Variants in NR5A2 observed in about 807,000 individuals in gnomAD.
NR5A2 encodes the protein CYP7A promoter-binding factor.
In NR5A2, 26 loss-of-function variants were observed where a neutral mutation model predicts 62.7. The ratio of observed to expected loss-of-function variants is 0.41; its 90% CI spans 0.30 to 0.58. The LOEUF is 0.58. NR5A2 is among the 20% of genes least tolerant of loss of function. NR5A2 has a pLI of 0.22. For missense variants in NR5A2, 541 were observed against 669.1 expected (o/e 0.81, Z 2.11); for synonymous variants, 246 against 241.7 (o/e 1.02, Z -0.16).
chr1:200,042,877 A>G (rs1325381581), intron 2 of NR5A2: 14 of 985,370 alleles, frequency 1.4e-5, no homozygotes, highest in Non-Finnish European at 7.2e-6. Context: ...CTGCGTCCGG[A>G]GCAAGGCGGT....
chr1:200,074,736 CAAAAAAAAA>C (rs199556915), intron 5 of NR5A2, among the ~76,000 whole-genome samples: 2 of 67,558 alleles, frequency 3.0e-5, no homozygotes, highest in African/African-American at 1.2e-4. Context: ...GAGTCCATCT[CAAAAAAAAA>C]AAAAAAAAAA....
rs910310426 is a variant in NR5A2 at position 200,048,951 on chromosome 1, G to A, written c.1110+133G>A. 81 of 1,145,334 alleles carry A rather than the reference G, an allele frequency of 7.1e-5. No individual in the cohort carries two copies. Among genetic ancestry groups the A allele is most frequent in the Admixed American group, 1.7e-4 (7 of 40,826 alleles). 70.9% of individuals were successfully genotyped at this position (1,145,334 alleles called of 1,614,324 possible). A position where few individuals can be genotyped will look rare whatever the true frequency, so the allele number is the denominator to read the frequency against. The stretch of plus-strand genomic sequence containing the variant: ...ACTTTGTATGATTTACAGAGTAGAC[G>A]TAATTTTATTACCTTGACTTCAGGA... On this transcript the variant is annotated intron_variant, in intron 5 of 7. Coordinates refer to ENST00000367362, the MANE Select transcript of NR5A2 (RefSeq NM_205860.3). This position sits in a 1 kb window ranked among gnomAD's most constrained non-coding sequence, Gnocchi z 4.8.
chr1:200,056,870 C>G (rs1011495244), intron 5 of NR5A2, among the ~76,000 whole-genome samples: 1 of 152,100 alleles, frequency 6.6e-6, no homozygotes, highest in Non-Finnish European at 1.5e-5. Flanking sequence ...GCTTGGCCAT[C>G]GTCAGGTGTC....
intron 5 of NR5A2, among the ~76,000 whole-genome samples, chr1:200,049,080 ATAG>A (rs943296945): frequency 4.6e-5 from 7 of 152,078 alleles, no homozygotes; most frequent in African/African-American, 7.3e-5. Flanking sequence ...TTTTTTCTAA[ATAG>A]TAGAATATCT....
intron 2 of NR5A2, chr1:200,042,972 A>G: frequency 1.0e-6 from 1 of 985,460 alleles, no homozygotes; most frequent in Non-Finnish European, 1.2e-6. Context: ...CGAGGTGTTT[A>G]TATTTTGCTA....
At chr1:200,099,717 C>T (rs2102270876) in intron 5 of NR5A2, among the ~76,000 whole-genome samples, 1 of 152,298 alleles carries the variant, frequency 6.6e-6, no homozygotes, top group East Asian at 1.9e-4. Context: ...CCTCAGCCTC[C>T]CAAATAGCTG....
At chr1:200,130,574 A>G (rs775980979) in intron 7 of NR5A2, among the ~76,000 whole-genome samples, 7 of 152,242 alleles carry the variant, frequency 4.6e-5, no homozygotes, top group Non-Finnish European at 8.8e-5. Flanking sequence ...AAAATGTCCA[A>G]TTGTGCATCA....
At chr1:200,050,334 T>C (rs1434041371) in intron 5 of NR5A2, among the ~76,000 whole-genome samples, 1 of 152,240 alleles carries the variant, frequency 6.6e-6, no homozygotes, top group Non-Finnish European at 1.5e-5. Context: ...AATGTAAAAA[T>C]GAGGAAAACA....
rs777981641 is a variant in NR5A2 at position 200,048,431 on chromosome 1, A to T, written c.723A>T (p.Val241=). The change falls in exon 5 of 8, where the codon GTA becomes GTT. Residue 241 remains valine (V), a synonymous_variant. Transcript: ENST00000367362. The surrounding 1 kb of genome is among the most constrained non-coding windows in gnomAD (Gnocchi z 4.8). ...CAGACTATGACAGAAGTCCCTTTGTAACATCCCCCATTAGCATGACAATGC... is the reference window on the plus strand; with the variant it reads ...CAGACTATGACAGAAGTCCCTTTGTTACATCCCCCATTAGCATGACAATGC... ...PPTDYDRSPF[V]TSPISMTMPP... 1 of 1,614,186 alleles carries T rather than the reference A, an allele frequency of 6.2e-7. No individual in the cohort carries two copies. The highest frequency in any genetic ancestry group is 8.5e-7 in the Non-Finnish European group (1 of 1,180,030).
chr1:200,095,834 G>A lies in NR5A2; in HGVS notation c.1111-15368G>A, dbSNP rs183984089. Among the ~76,000 whole-genome samples the A allele has an allele frequency of 1.4e-3, 214 of 152,230 alleles. 1 individual carries two copies. The highest frequency in any genetic ancestry group is 4.6e-3 in the African/African-American group (190 of 41,544). On this transcript the variant is annotated intron_variant, in intron 5 of 7. Coordinates refer to ENST00000367362, the MANE Select transcript of NR5A2 (RefSeq NM_205860.3). ...CCCAAAGTGCTGGGATTACAGGTGT[G>A]AGCCCCCGCGCCCGGCCAGCAAGTA... is the stretch of plus-strand genomic sequence containing the variant.
At position 200,039,783 on chromosome 1, in the gene NR5A2, G is replaced by A. The variant is rs781121043; in HGVS notation, c.190G>A (p.Glu64Lys). The stretch of plus-strand genomic sequence containing the variant: ...GCATGGGGAACAGGGCCAGATGCCG[G>A]AAAACATGCAAGGTAAGGAGGCGCC... ...RSHGEQGQMPENMQVSQFKMV... is the reference protein window; with the variant it reads ...RSHGEQGQMPKNMQVSQFKMV... Residue 64 changes from glutamate (E) to lysine (K), a missense_variant, in exon 2 of 8, where the codon GAA becomes AAA. Glu to Lys is a moderately conservative substitution (Grantham distance 56). This residue lies in a region of NR5A2 where 108 missense variants were observed against 103.3 expected (regional missense o/e 1.05). Transcript: ENST00000367362. The surrounding 1 kb of genome is among the most constrained non-coding windows in gnomAD (Gnocchi z 5.1). The A allele has an allele frequency of 2.5e-6, 4 of 1,601,200 alleles. No individual in the cohort carries two copies. Among genetic ancestry groups the A allele is most frequent in the Non-Finnish European group, 3.4e-6 (4 of 1,174,254 alleles).
chr1:200,034,783 CTTT>C (rs767393832), intron 1 of NR5A2, among the ~76,000 whole-genome samples: 2,860 of 70,862 alleles, frequency 0.04, 65 homozygotes, highest in Non-Finnish European at 0.052. Flanking sequence ...AGCAGAAAGG[CTTT>C]TTTTTTTTTT....
chr1:200,058,144 A>G (rs1321110953), intron 5 of NR5A2: 1 of 152,182 alleles, frequency 6.6e-6, no homozygotes, highest in Non-Finnish European at 1.5e-5. Context: ...AAGAACTTCC[A>G]TATACATTTT....
Position 200,091,894 on chromosome 1 carries a change from T to A in NR5A2, c.1111-19308T>A, listed in dbSNP as rs150566033. Among the ~76,000 whole-genome samples, 48 of 152,316 alleles carry A rather than the reference T, an allele frequency of 3.2e-4. 2 individuals carry two copies. Among genetic ancestry groups the A allele is most frequent in the African/African-American group, 1.1e-3 (47 of 41,576 alleles). The stretch of plus-strand genomic sequence containing the variant: ...ACATGTGGAGTGGGGAGCATTGGTT[T>A]GCTAGAATTTTCTAGAGCTTTTTAT... On this transcript the variant is annotated intron_variant, in intron 5 of 7. Coordinates refer to ENST00000367362, the MANE Select transcript of NR5A2 (RefSeq NM_205860.3).
intron 5 of NR5A2, among the ~76,000 whole-genome samples, chr1:200,075,235 A>G (rs1393406808): frequency 1.3e-5 from 2 of 152,374 alleles, no homozygotes; most frequent in East Asian, 1.9e-4. Context: ...CCAAGTATAC[A>G]TAAGTCAGAC....
chr1:200,142,011 C>G (rs1378293183), intron 7 of NR5A2, among the ~76,000 whole-genome samples: 2 of 152,074 alleles, frequency 1.3e-5, no homozygotes, highest in Admixed American at 6.6e-5. Flanking sequence ...TCTGCTAACT[C>G]CTATCAGGCA....
intron 7 of NR5A2, among the ~76,000 whole-genome samples, chr1:200,152,875 T>C (rs1385075925): frequency 2.0e-5 from 3 of 152,184 alleles, no homozygotes; most frequent in African/African-American, 7.2e-5. Flanking sequence ...TGTGAAAAGA[T>C]TAATTAGTCT....
chr1:200,155,570 T>C (rs1007761255), intron 7 of NR5A2, among the ~76,000 whole-genome samples: 2 of 152,242 alleles, frequency 1.3e-5, no homozygotes, highest in African/African-American at 4.8e-5. Flanking sequence ...ACTACCAGTT[T>C]GCTATTTGTG....
intron 3 of NR5A2, 120 bp downstream of exon 3, chr1:200,044,012 GAA>G: frequency 1.6e-6 from 1 of 639,764 alleles, no homozygotes; most frequent in East Asian, 2.7e-5. Flanking sequence ...AAATGAGGGA[GAA>G]AGAGAGAGTC....
Sources: allele counts gnomAD v4.1 joint callset (sites outside exome capture counted in the v4.1 genomes callset), GRCh38; gene constraint gnomAD v4.1.1; regional missense constraint gnomAD v4.1.1; non-coding constraint Gnocchi (gnomAD v3.1); transcripts MANE v1.5; gene names NCBI Gene and HGNC (gene_info 2026-07-23, HGNC 2026-07-21).